Variants in NAALAD2 observed in about 807,000 individuals in gnomAD.
The protein encoded by NAALAD2 is N-acetylated-alpha-linked acidic dipeptidase 2.
A neutral mutation model predicts 95.6 loss-of-function variants in NAALAD2; 89 were observed. The ratio of observed to expected loss-of-function variants is 0.93; its 90% CI spans 0.78 to 1.11. The LOEUF (loss-of-function observed/expected upper bound fraction) is 1.11, where lower values mean the gene tolerates loss of function less well. Ranked by LOEUF, NAALAD2 falls within the 50% of genes least tolerant of loss-of-function variation. The pLI is 0.00. For missense variants in NAALAD2, 894 were observed against 872.4 expected (o/e 1.02, Z -0.31); for synonymous variants, 264 against 294.4 (o/e 0.90, Z 1.06).
At position 90,192,307 on chromosome 11, in the gene NAALAD2, T is replaced by G. The variant is rs983736439; in HGVS notation, c.*560T>G. ...TACTCAGCAATAAAAATGAAGTAAC[T>G]TTCAATAAATGCAATATTATTGGCA... On this transcript the variant is annotated 3_prime_UTR_variant, in exon 19 of 19. Transcript: ENST00000534061. 1 of 152,014 alleles carries G rather than the reference T, an allele frequency of 6.6e-6. No homozygotes were observed. Among genetic ancestry groups the G allele is most frequent in the Non-Finnish European group, 1.5e-5 (1 of 67,898 alleles). 9.4% of individuals were successfully genotyped at this position (152,014 alleles called of 1,614,324 possible). A position where few individuals can be genotyped will look rare whatever the true frequency, so the allele number is the denominator to read the frequency against.
At position 90,191,788 on chromosome 11, in the gene NAALAD2, T is replaced by A. The variant is rs1310242635; in HGVS notation, c.*41T>A. ...TAGCCATTAAAGGTGTTGCTAAAAG[T>A]CTGAGGATAAAATTCACCTTTCTGA... On this transcript the variant is annotated 3_prime_UTR_variant, in exon 19 of 19. Transcript: ENST00000534061. 7.1e-7 allele frequency: 1 copy of A among 1,403,610 alleles called. No individual in the cohort carries two copies. Among genetic ancestry groups the A allele is most frequent in the Non-Finnish European group, 9.4e-7 (1 of 1,064,900 alleles). 86.9% of individuals were successfully genotyped at this position (1,403,610 alleles called of 1,614,324 possible). A position where few individuals can be genotyped will look rare whatever the true frequency, so the allele number is the denominator to read the frequency against.
At chr11:90,181,486 G>T in intron 16 of NAALAD2, 134 bp from the exon 17 acceptor site, 1 of 628,888 alleles carries the variant, frequency 1.6e-6, no homozygotes. Context: ...AATTTTCATG[G>T]ATCTGCAAGA....
Position 90,152,430 on chromosome 11 carries a change from G to C in NAALAD2, c.742G>C (p.Val248Leu), listed in dbSNP as rs1026278278. The change falls in exon 6 of 19, where the codon GTG becomes CTG. Residue 248 changes from valine (V) to leucine (L), a missense_variant. By Grantham distance (32) the Val-to-Leu change is conservative (BLOSUM62 1). Transcript: ENST00000534061. ...TGGAACTGCAGCCCAGAGAGGAAATGTGTTAAATTTGAATGGTGCTGGTGA... is the reference window on the plus strand; with the variant it reads ...TGGAACTGCAGCCCAGAGAGGAAATCTGTTAAATTTGAATGGTGCTGGTGA... ...LPGTAAQRGN[V>L]LNLNGAGDPL... is the part of the protein sequence containing the mutation. 6.2e-7 allele frequency: 1 copy of C among 1,613,762 alleles called. No homozygotes were observed. Among genetic ancestry groups the C allele is most frequent in the African/African-American group, 1.3e-5 (1 of 74,908 alleles).
intron 6 of NAALAD2, among the ~76,000 whole-genome samples, chr11:90,155,378 T>TA (rs1321058684): frequency 1.1e-5 from 1 of 90,784 alleles, no homozygotes; most frequent in South Asian, 3.0e-4. Context: ...TAATATTACA[T>TA]ATTATACATG....
intron 2 of NAALAD2, among the ~76,000 whole-genome samples, chr11:90,140,474 T>A (rs1368926328): frequency 6.6e-6 from 1 of 151,886 alleles, no homozygotes; most frequent in Non-Finnish European, 1.5e-5. Flanking sequence ...ATTTCTAGGC[T>A]ATGTGGTTCA....
chr11:90,168,984 C>T lies in NAALAD2; in HGVS notation c.1334C>T (p.Ser445Phe), dbSNP rs1365382863. 6 of 1,596,034 alleles carry T rather than the reference C, an allele frequency of 3.8e-6. No individual in the cohort carries two copies. The highest frequency in any genetic ancestry group is 3.5e-5 in the South Asian group (3 of 86,496). The change falls in exon 12 of 19, where the codon TCT (serine) becomes TTT (phenylalanine). Residue 445 changes from serine to phenylalanine, a missense_variant. By Grantham distance (155) the Ser-to-Phe change is radical (BLOSUM62 -2). Coordinates refer to ENST00000534061, the MANE Select transcript of NAALAD2 (RefSeq NM_005467.4). Reference protein sequence around the residue: ...RSIAYINSDSSIEGNYTLRVD... With the variant: ...RSIAYINSDSFIEGNYTLRVD... ...ATTGCTTATATCAACTCGGATTCATCTATAGAAGGTAAATTTTATTTCAAT... is the reference window on the plus strand; with the variant it reads ...ATTGCTTATATCAACTCGGATTCATTTATAGAAGGTAAATTTTATTTCAAT...
chr11:90,153,087 T>C (rs149264769), intron 6 of NAALAD2, among the ~76,000 whole-genome samples: 40 of 152,318 alleles, frequency 2.6e-4, no homozygotes, highest in African/African-American at 9.6e-4. Flanking sequence ...AGCATGATTA[T>C]TTTGAGATCT....
chr11:90,167,679 C>G (rs1184253187), intron 11 of NAALAD2, among the ~76,000 whole-genome samples: 3 of 152,276 alleles, frequency 2.0e-5, no homozygotes, highest in East Asian at 1.9e-4. Context: ...CACTCTGTAT[C>G]TAGCTCAAGG....
intron 14 of NAALAD2, among the ~76,000 whole-genome samples, chr11:90,175,614 T>G (rs1465236732): frequency 6.8e-6 from 1 of 147,068 alleles, no homozygotes; most frequent in Non-Finnish European, 1.5e-5. Flanking sequence ...GCCCACGTCT[T>G]CATTGTTTTC....
intron 18 of NAALAD2, among the ~76,000 whole-genome samples, chr11:90,183,816 G>T (rs372230097): frequency 1.3e-5 from 2 of 152,150 alleles, no homozygotes; most frequent in Non-Finnish European, 2.9e-5. Flanking sequence ...TTGTTGGTAG[G>T]TTAGGTATAT....
chr11:90,162,920 TAAGTA>T (rs914053106), intron 8 of NAALAD2, 24 bp from the exon 9 acceptor site: 2 of 1,199,336 alleles, frequency 1.7e-6, no homozygotes, highest in Non-Finnish European at 2.4e-6. Context: ...TTTGCTGTAC[TAAGTA>T]ATTTATTCCT....
In NAALAD2 at chr11:90,135,634, C is replaced by A. The variant is rs139378419; in HGVS notation, c.158C>A (p.Ser53Tyr). 9 of 1,613,290 alleles carry A rather than the reference C, an allele frequency of 5.6e-6. No individual in the cohort carries two copies. Among genetic ancestry groups the A allele is most frequent in the Non-Finnish European group, 6.8e-6 (8 of 1,179,618 alleles). ...CAAAGTATACGGTGGAAACTGGTAT[C>A]CGAAATGAAAGCTGAAAACATCAAA... is the stretch of plus-strand genomic sequence containing the variant. ...YHQSIRWKLV[S>Y]EMKAENIKSF... Residue 53 changes from serine to tyrosine, a missense_variant, in exon 2 of 19, where the codon TCC becomes TAC. Physicochemically the swap from Ser to Tyr is moderately radical, Grantham distance 144. Coordinates refer to ENST00000534061, the MANE Select transcript of NAALAD2 (RefSeq NM_005467.4).
At chr11:90,181,939 C>T (rs1952985403) in intron 17 of NAALAD2, among the ~76,000 whole-genome samples, 1 of 151,396 alleles carries the variant, frequency 6.6e-6, no homozygotes, top group South Asian at 2.1e-4. Flanking sequence ...CCCCGCCCTT[C>T]AATGATTTAT....
chr11:90,137,502 C>T (rs758170233), intron 2 of NAALAD2, among the ~76,000 whole-genome samples: 68 of 152,050 alleles, frequency 4.5e-4, no homozygotes, highest in Non-Finnish European at 7.6e-4. Flanking sequence ...AGTAGGTAGC[C>T]ATAAAATTTA....
At chr11:90,138,002 G>A (rs1951495381) in intron 2 of NAALAD2, among the ~76,000 whole-genome samples, 1 of 151,930 alleles carries the variant, frequency 6.6e-6, no homozygotes, top group Admixed American at 6.6e-5. Context: ...TGTGGGCATA[G>A]GGTGCTGACC....
At chr11:90,164,517 T>A (rs1311541366) in intron 11 of NAALAD2, among the ~76,000 whole-genome samples, 2 of 152,178 alleles carry the variant, frequency 1.3e-5, no homozygotes, top group Non-Finnish European at 2.9e-5. Flanking sequence ...AAACTTTTAC[T>A]CTTTCTGTAA....
chr11:90,167,616 G>C (rs1215135881), intron 11 of NAALAD2, among the ~76,000 whole-genome samples: 2 of 152,148 alleles, frequency 1.3e-5, no homozygotes, highest in Non-Finnish European at 2.9e-5. Context: ...GAGTCTGGTG[G>C]GGACTTGGAG....
At chr11:90,182,083 C>A (rs1038052390) in intron 17 of NAALAD2, among the ~76,000 whole-genome samples, 1 of 152,034 alleles carries the variant, frequency 6.6e-6, no homozygotes, top group Non-Finnish European at 1.5e-5. Flanking sequence ...AAATTCATAG[C>A]TTTATGAGTT....
chr11:90,176,419 T>C (rs188014301), intron 15 of NAALAD2, among the ~76,000 whole-genome samples: 11 of 152,286 alleles, frequency 7.2e-5, no homozygotes, highest in Admixed American at 5.9e-4. Flanking sequence ...ATAAATGCAG[T>C]TGGAGAACAT....
Sources: allele counts gnomAD v4.1 joint callset (sites outside exome capture counted in the v4.1 genomes callset), GRCh38; gene constraint gnomAD v4.1.1; transcripts MANE v1.5; gene names NCBI Gene and HGNC (gene_info 2026-07-23, HGNC 2026-07-21).